CADM2: variants seen among roughly 807,000 people sequenced by gnomAD.
CADM2 encodes the protein immunoglobulin superfamily member 4D.
A neutral mutation model predicts 49.8 loss-of-function variants in CADM2; 12 were observed. That is an observed-to-expected ratio of 0.24 (90% CI 0.15 to 0.39). The LOEUF (loss-of-function observed/expected upper bound fraction) is 0.39, where lower values mean the gene tolerates loss of function less well. Among genes scored for constraint, CADM2 ranks in the 10% least tolerant of loss-of-function variants. The pLI is 1.00. For missense variants in CADM2, 378 were observed against 492.3 expected (o/e 0.77, Z 2.20); for synonymous variants, 214 against 175.4 (o/e 1.22, Z -1.74).
At chr3:85,837,655 A>G (rs2074466410) in intron 3 of CADM2, among the ~76,000 whole-genome samples, 1 of 151,744 alleles carries the variant, frequency 6.6e-6, no homozygotes, top group African/African-American at 2.4e-5. Flanking sequence ...GGGCTAGAAC[A>G]AGAATCTTTT....
intron 1 of CADM2, among the ~76,000 whole-genome samples, chr3:85,564,681 A>G (rs1449383): frequency 0.51 from 77,828 of 151,886 alleles, 23,018 homozygotes; most frequent in East Asian, 0.85. Context: ...CTGTCTTTCT[A>G]TAAACCAGAA....
chr3:84,970,044 C>CTT (rs33980527), intron 1 of CADM2, among the ~76,000 whole-genome samples: 26,518 of 103,410 alleles, frequency 0.26, 4,270 homozygotes, highest in Non-Finnish European at 0.33. Flanking sequence ...GACTGACCTG[C>CTT]TTTTTTTTTT....
chr3:84,996,398 G>A (rs974423670), intron 1 of CADM2, among the ~76,000 whole-genome samples: 4 of 151,918 alleles, frequency 2.6e-5, no homozygotes, highest in Admixed American at 6.6e-5. Flanking sequence ...TAATTTACTT[G>A]TATAAAAGGA....
At chr3:85,788,505 A>G (rs2071135465) in intron 2 of CADM2, among the ~76,000 whole-genome samples, 2 of 152,100 alleles carry the variant, frequency 1.3e-5, no homozygotes, top group Admixed American at 1.3e-4. Flanking sequence ...AAGAATACAG[A>G]AAAAGAATAT....
intron 1 of CADM2, among the ~76,000 whole-genome samples, chr3:84,993,278 C>T (rs1342737762): frequency 6.6e-6 from 1 of 152,032 alleles, no homozygotes; most frequent in Non-Finnish European, 1.5e-5. Flanking sequence ...TACTATAGCC[C>T]ATTACAGTGA....
chr3:85,533,593 C>A (rs2061367277), intron 1 of CADM2, among the ~76,000 whole-genome samples: 2 of 152,102 alleles, frequency 1.3e-5, no homozygotes, highest in African/African-American at 4.8e-5. Flanking sequence ...TAAAATAAAT[C>A]ATTTATTTTC....
intron 1 of CADM2, among the ~76,000 whole-genome samples, chr3:85,663,927 C>T (rs1186021303): frequency 6.6e-6 from 1 of 151,986 alleles, no homozygotes; most frequent in Non-Finnish European, 1.5e-5. Flanking sequence ...CTGTTCTAGT[C>T]AATGTCCGTG....
chr3:85,036,561 G>T (rs1009513523), intron 1 of CADM2, among the ~76,000 whole-genome samples: 2 of 151,968 alleles, frequency 1.3e-5, no homozygotes, highest in Non-Finnish European at 2.9e-5. Context: ...GGGTTCTCTT[G>T]CCTATTAGGT....
intron 1 of CADM2, among the ~76,000 whole-genome samples, chr3:85,290,730 G>T (rs1385139238): frequency 6.6e-6 from 1 of 152,190 alleles, no homozygotes; most frequent in Non-Finnish European, 1.5e-5. Context: ...TGAGGGTCCT[G>T]TCTGTTAGAA....
intron 1 of CADM2, among the ~76,000 whole-genome samples, chr3:85,551,136 A>G (rs2061792157): frequency 1.3e-5 from 2 of 151,894 alleles, no homozygotes; most frequent in African/African-American, 4.8e-5. Context: ...GGTGTGCACC[A>G]CCATGCTCAG....
At chr3:85,005,553 A>G (rs932424017) in intron 1 of CADM2, among the ~76,000 whole-genome samples, 5 of 152,152 alleles carry the variant, frequency 3.3e-5, no homozygotes, top group Admixed American at 2.6e-4. Context: ...TAAATAAGGA[A>G]AAATCCACTA....
intron 3 of CADM2, among the ~76,000 whole-genome samples, chr3:85,809,877 C>T (rs940593706): frequency 1.3e-5 from 2 of 150,534 alleles, no homozygotes; most frequent in Admixed American, 6.7e-5. Context: ...CTCTTCAAAA[C>T]ATCTTATCTC....
At chr3:86,057,382 T>C (rs1039283435) in intron 8 of CADM2, among the ~76,000 whole-genome samples, 1 of 152,170 alleles carries the variant, frequency 6.6e-6, no homozygotes, top group African/African-American at 2.4e-5. Context: ...ATTAAGTACA[T>C]ATCTGGATGA....
intron 1 of CADM2, among the ~76,000 whole-genome samples, chr3:85,362,131 A>G (rs56689803): frequency 0.059 from 8,907 of 152,218 alleles, 903 homozygotes; most frequent in African/African-American, 0.2. Context: ...GACCCGCCCA[A>G]TGAAATTAGG....
chr3:85,249,206 C>G (rs1442785446), intron 1 of CADM2, among the ~76,000 whole-genome samples: 1 of 152,066 alleles, frequency 6.6e-6, no homozygotes, highest in East Asian at 1.9e-4. Context: ...CTGCCCCAAA[C>G]CACATCTCTT....
At chr3:85,444,116 T>C (rs962343383) in intron 1 of CADM2, among the ~76,000 whole-genome samples, 2 of 152,134 alleles carry the variant, frequency 1.3e-5, no homozygotes, top group Non-Finnish European at 2.9e-5. Flanking sequence ...CTGCTTTAAA[T>C]TATATTGTTT....
intron 1 of CADM2, among the ~76,000 whole-genome samples, chr3:85,604,988 G>C (rs138132351): frequency 1.3e-5 from 2 of 152,116 alleles, no homozygotes; most frequent in Non-Finnish European, 2.9e-5. Flanking sequence ...CTGTGAACTA[G>C]TTATTGACAA....
At chr3:85,747,698 C>G (rs2068675666) in intron 2 of CADM2, among the ~76,000 whole-genome samples, 1 of 152,030 alleles carries the variant, frequency 6.6e-6, no homozygotes, top group South Asian at 2.1e-4. Flanking sequence ...CAGGCTGTTT[C>G]AGTGTTTAAA....
chr3:85,191,350 A>T (rs2041202328), intron 1 of CADM2, among the ~76,000 whole-genome samples: 1 of 152,078 alleles, frequency 6.6e-6, no homozygotes, highest in Non-Finnish European at 1.5e-5. Context: ...TAATCATATG[A>T]TATAGTAAAT....
Sources: gnomAD v4.1 joint callset for allele counts (sites outside exome capture counted in the v4.1 genomes callset) on GRCh38, gnomAD v4.1.1 for gene constraint, MANE v1.5 for transcripts, NCBI Gene and HGNC (gene_info 2026-07-23, HGNC 2026-07-21) for gene names.